Variants in NCKAP5 observed in about 807,000 individuals in gnomAD.
NCKAP5 encodes the protein NCK associated protein 5.
Under a neutral mutation model 167.0 loss-of-function variants are expected in NCKAP5, and 92 were observed. That is an observed-to-expected ratio of 0.55 (90% CI 0.47 to 0.66). The LOEUF (loss-of-function observed/expected upper bound fraction) is 0.66. Among genes scored for constraint, NCKAP5 ranks in the 30% least tolerant of loss-of-function variants. The probability of loss-of-function intolerance (pLI) is 0.00; values close to 1 mark genes in which losing one functional copy is unlikely to be tolerated. For missense variants in NCKAP5, 2,378 were observed against 2,315.0 expected (o/e 1.03, Z -0.56); for synonymous variants, 891 against 877.4 (o/e 1.02, Z -0.27).
the NCKAP5 span, among the ~76,000 whole-genome samples, chr2:133,574,102 T>C: frequency 2.9e-3 from 435 of 151,172 alleles, 5 homozygotes; most frequent in African/African-American, 9.8e-3. Flanking sequence ...AATCAGTTGA[T>C]AATACTAAGA....
intron 16 of NCKAP5, among the ~76,000 whole-genome samples, chr2:132,740,060 T>G (rs950995461): frequency 9.2e-5 from 14 of 152,058 alleles, no homozygotes; most frequent in African/African-American, 3.1e-4. Flanking sequence ...CACTTACAGA[T>G]CCAAACAAAT....
chr2:133,602,514 G>A, the NCKAP5 span, among the ~76,000 whole-genome samples: 1 of 152,186 alleles, frequency 6.6e-6, no homozygotes, highest in East Asian at 1.9e-4. Context: ...GAGGGAGGTA[G>A]GCACGTGGCT....
chr2:132,712,778 A>G (rs960768678), intron 19 of NCKAP5, among the ~76,000 whole-genome samples: 2 of 152,238 alleles, frequency 1.3e-5, no homozygotes, highest in Admixed American at 6.5e-5. Flanking sequence ...TTCAGTATGA[A>G]ACACCATGAT....
At chr2:133,155,713 C>G (rs1298589127) in intron 5 of NCKAP5, among the ~76,000 whole-genome samples, 1 of 152,170 alleles carries the variant, frequency 6.6e-6, no homozygotes, top group African/African-American at 2.4e-5. Flanking sequence ...GGGTGGGCCT[C>G]AACCAATCAA....
At chr2:133,246,272 C>T (rs1002088265) in intron 4 of NCKAP5, among the ~76,000 whole-genome samples, 1 of 148,446 alleles carries the variant, frequency 6.7e-6, no homozygotes, top group African/African-American at 2.5e-5. Flanking sequence ...AAAAAAAAAT[C>T]ACTGTCTATC....
intron 3 of NCKAP5, among the ~76,000 whole-genome samples, chr2:133,514,989 G>T (rs1037737374): frequency 6.6e-6 from 1 of 152,012 alleles, no homozygotes; most frequent in African/African-American, 2.4e-5. Context: ...CAGGTTTGTT[G>T]TTCTTGTTGT....
chr2:132,772,399 A>C (rs945178531), intron 16 of NCKAP5, among the ~76,000 whole-genome samples: 1 of 152,196 alleles, frequency 6.6e-6, no homozygotes, highest in South Asian at 2.1e-4. Flanking sequence ...TTATGGCATC[A>C]AGCAGCACAG....
At chr2:133,426,374 T>C (rs1223119817) in intron 3 of NCKAP5, among the ~76,000 whole-genome samples, 10 of 142,772 alleles carry the variant, frequency 7.0e-5, no homozygotes, top group Non-Finnish European at 1.4e-4. Context: ...TAGCCTTAAA[T>C]GCTTTTATTT....
chr2:133,235,694 T>C (rs974980109), intron 4 of NCKAP5, among the ~76,000 whole-genome samples: 2 of 151,854 alleles, frequency 1.3e-5, no homozygotes, highest in African/African-American at 4.8e-5. Flanking sequence ...CACCTGAGGT[T>C]AGGAGTTCGA....
At chr2:132,820,629 CCT>C (rs1426240504) in intron 11 of NCKAP5, among the ~76,000 whole-genome samples, 1 of 151,976 alleles carries the variant, frequency 6.6e-6, no homozygotes, top group Non-Finnish European at 1.5e-5. Flanking sequence ...CATGGATTTT[CCT>C]CTCTGCATAG....
At chr2:133,124,802 C>T (rs778912905) in intron 6 of NCKAP5, among the ~76,000 whole-genome samples, 2 of 152,178 alleles carry the variant, frequency 1.3e-5, no homozygotes, top group African/African-American at 4.8e-5. Flanking sequence ...TTCACCAGCA[C>T]GTTGGGAGAC....
intron 8 of NCKAP5, among the ~76,000 whole-genome samples, chr2:132,951,497 C>T (rs1003127854): frequency 6.6e-6 from 1 of 152,190 alleles, no homozygotes; most frequent in East Asian, 1.9e-4. Flanking sequence ...GGACTTGGGT[C>T]ACACTGCTTT....
intron 6 of NCKAP5, among the ~76,000 whole-genome samples, chr2:133,035,182 G>T (rs2079002424): frequency 6.6e-6 from 1 of 151,966 alleles, no homozygotes; most frequent in African/African-American, 2.4e-5. Flanking sequence ...CACTGTATAT[G>T]ATAAAGGCAT....
intron 11 of NCKAP5, among the ~76,000 whole-genome samples, chr2:132,799,164 C>T (rs1180887876): frequency 6.6e-6 from 1 of 152,036 alleles, no homozygotes; most frequent in Admixed American, 6.6e-5. Flanking sequence ...AAACCAAATA[C>T]TGCATGTTCT....
intron 19 of NCKAP5, among the ~76,000 whole-genome samples, chr2:132,704,934 C>T (rs1409895289): frequency 6.6e-6 from 1 of 152,152 alleles, no homozygotes; most frequent in East Asian, 1.9e-4. Context: ...TAGTCCATTC[C>T]CTCTCCTCCT....
At position 133,022,309 on chromosome 2, in the gene NCKAP5, A is replaced by G. The variant is rs142977567; in HGVS notation, c.342-28070T>C. ...ATTGACATCTACAAAGGAAATCTTC[A>G]TTAGTAGAAGTATTTGTATCAGGAA... On this transcript the variant is annotated intron_variant, in intron 6 of 19. Transcript: ENST00000409261. Among the ~76,000 whole-genome samples, 39 of 152,364 alleles carry G rather than the reference A, an allele frequency of 2.6e-4. No homozygotes were observed. In the East Asian group the frequency reaches 7.3e-3, roughly 29 times the overall value.
chr2:132,688,960 T>G (rs578017739), intron 19 of NCKAP5, among the ~76,000 whole-genome samples: 7 of 123,762 alleles, frequency 5.7e-5, no homozygotes, highest in Admixed American at 2.1e-4. Context: ...TACTCTAGCC[T>G]GCGTGGTGGA....
intron 6 of NCKAP5, among the ~76,000 whole-genome samples, chr2:132,997,471 G>A (rs2077638102): frequency 6.6e-6 from 1 of 152,124 alleles, no homozygotes; most frequent in Non-Finnish European, 1.5e-5. Flanking sequence ...ACAAAGAACT[G>A]TCTCATCTGT....
chr2:132,774,016 G>A (rs1039494842), intron 15 of NCKAP5, 122 bp from the exon 16 acceptor site: 9 of 729,356 alleles, frequency 1.2e-5, no homozygotes, highest in Admixed American at 2.7e-5. Context: ...GTGTTTGCAT[G>A]TATATACATG....
Sources: gnomAD v4.1 joint callset for allele counts (sites outside exome capture counted in the v4.1 genomes callset) on GRCh38, gnomAD v4.1.1 for gene constraint, MANE v1.5 for transcripts, NCBI Gene and HGNC (gene_info 2026-07-23, HGNC 2026-07-21) for gene names.